Variants in KCND3 observed in about 807,000 individuals in gnomAD.
KCND3 encodes the protein potassium voltage-gated channel subfamily D member 3.
KCND3 carries 9 observed loss-of-function variants against 51.1 expected under a neutral mutation model. That is an observed-to-expected ratio of 0.18 (90% CI 0.11 to 0.31). KCND3 has a LOEUF of 0.31. Ranked by LOEUF, KCND3 falls within the 10% of genes least tolerant of loss-of-function variation. The pLI is 1.00. For synonymous variants in KCND3, 349 were observed against 368.0 expected (o/e 0.95, Z 0.59); for missense variants, 526 against 903.8 (o/e 0.58, Z 5.36).
Position 111,981,877 on chromosome 1 carries a change from C to T in KCND3, c.850G>A (p.Gly284Ser). Reference protein sequence around the residue: ...LVMTNNEDVSGAFVTLRVFRV... With the variant: ...LVMTNNEDVSSAFVTLRVFRV... ...AAGACCCGGAGCGTGACGAAGGCGC[C>T]GGACACGTCCTCGTTGTTGGTCATG... is the stretch of plus-strand genomic sequence containing the variant. The change falls in exon 2 of 8, where the codon GGC becomes AGC. Residue 284 changes from glycine (G) to serine (S), a missense_variant. Gly to Ser is a moderately conservative substitution (Grantham distance 56). Coordinates refer to ENST00000302127, the MANE Select transcript of KCND3 (RefSeq NM_001378969.1). This position sits in a 1 kb window ranked among gnomAD's most constrained non-coding sequence, Gnocchi z 6.2. The T allele has an allele frequency of 6.2e-7, 1 of 1,614,010 alleles. No individual in the cohort carries two copies. Among genetic ancestry groups the T allele is most frequent in the Non-Finnish European group, 8.5e-7 (1 of 1,179,980 alleles).
chr1:111,910,904 A>C (rs1428400195), intron 2 of KCND3: 2 of 152,228 alleles, frequency 1.3e-5, no homozygotes, highest in Admixed American at 6.5e-5. Flanking sequence ...CCATTAAATA[A>C]ATATGCAAAA....
At chr1:111,825,192 G>A (rs954077488) in intron 2 of KCND3, among the ~76,000 whole-genome samples, 3 of 152,106 alleles carry the variant, frequency 2.0e-5, no homozygotes, top group Admixed American at 1.3e-4. Context: ...AGTGATCCAG[G>A]GTCCACACTT....
intron 2 of KCND3, among the ~76,000 whole-genome samples, chr1:111,958,275 G>A (rs1303552918): frequency 2.0e-5 from 3 of 152,136 alleles, no homozygotes; most frequent in East Asian, 1.9e-4. Flanking sequence ...TCTCGTCCCC[G>A]CTGGGGTTCC....
chr1:111,791,288 T>A (rs1664812780), intron 2 of KCND3, among the ~76,000 whole-genome samples: 1 of 152,238 alleles, frequency 6.6e-6, no homozygotes, highest in Admixed American at 6.5e-5. Context: ...GCTGATGATG[T>A]TGAACATCTT....
chr1:111,969,660 T>C (rs1205674710), intron 2 of KCND3, among the ~76,000 whole-genome samples: 2 of 152,150 alleles, frequency 1.3e-5, no homozygotes, highest in Admixed American at 6.5e-5. Context: ...ATTGCTGTCA[T>C]TGTTGTTGTT....
chr1:111,969,431 G>C (rs1674202919), intron 2 of KCND3, among the ~76,000 whole-genome samples: 1 of 152,152 alleles, frequency 6.6e-6, no homozygotes, highest in South Asian at 2.1e-4. Flanking sequence ...GCCTCCAGTG[G>C]CAATCCCAGT....
At chr1:111,903,200 G>C (rs756858968) in intron 2 of KCND3, among the ~76,000 whole-genome samples, 1 of 152,218 alleles carries the variant, frequency 6.6e-6, no homozygotes. Flanking sequence ...AGACCAGAGG[G>C]AGCAGAAGGA....
rs115832350 is a variant in KCND3, at chr1:111,943,739, G to C, written c.1106+37882C>G. 4.4e-3 allele frequency among the ~76,000 whole-genome samples: 665 copies of C among 152,304 alleles called. 5 individuals carry two copies. Among genetic ancestry groups the C allele is most frequent in the African/African-American group, 0.015 (613 of 41,552 alleles). ...TTCACTGCACTCAGATGATGCATCT[G>C]CCTTTACAAGGTGCTTTCTCACAGT... On this transcript the variant is annotated intron_variant, in intron 2 of 7. Transcript: ENST00000302127.
intron 2 of KCND3, among the ~76,000 whole-genome samples, chr1:111,931,352 C>T (rs1250772035): frequency 1.3e-5 from 2 of 152,094 alleles, no homozygotes; most frequent in Admixed American, 1.3e-4. Context: ...CCTTCATACA[C>T]CCAAAATAAA....
chr1:111,972,408 G>A (rs1161926258), intron 2 of KCND3, among the ~76,000 whole-genome samples: 3 of 151,972 alleles, frequency 2.0e-5, no homozygotes, highest in African/African-American at 7.2e-5. Context: ...TCCTGACCTC[G>A]TGATCCGCCC....
intron 2 of KCND3, among the ~76,000 whole-genome samples, chr1:111,811,632 G>A (rs1321504854): frequency 1.3e-5 from 2 of 152,050 alleles, no homozygotes; most frequent in African/African-American, 2.4e-5. Flanking sequence ...TGCGCTCTTC[G>A]GATCGTCCAC....
intron 2 of KCND3, among the ~76,000 whole-genome samples, chr1:111,794,506 AC>A: frequency 6.6e-6 from 1 of 152,278 alleles, no homozygotes. Context: ...TCACTGCCAC[AC>A]CCACTGCTGC....
Position 111,982,798 on chromosome 1 carries a change from C to A in KCND3, c.-72G>T. 3 of 1,542,636 alleles carry A rather than the reference C, an allele frequency of 1.9e-6. No homozygotes were observed. The highest frequency in any genetic ancestry group is 2.6e-6 in the Non-Finnish European group (3 of 1,150,108). ...CCAGCTTGGAGTTAGTTCAGCAAAC[C>A]CTGGGAGACAGGAGGGGAGAGAGAG... On this transcript the variant is annotated splice_region_variant and 5_prime_UTR_variant, in exon 2 of 8. Coordinates refer to ENST00000302127, the MANE Select transcript of KCND3 (RefSeq NM_001378969.1). This position sits in a 1 kb window ranked among gnomAD's most constrained non-coding sequence, Gnocchi z 8.5.
chr1:111,968,511 A>T (rs1173206986), intron 2 of KCND3, among the ~76,000 whole-genome samples: 1 of 152,228 alleles, frequency 6.6e-6, no homozygotes, highest in African/African-American at 2.4e-5. Flanking sequence ...ATGAAGAAAG[A>T]TCCATACCTG....
chr1:111,805,243 A>C (rs1665511700), intron 2 of KCND3, among the ~76,000 whole-genome samples: 1 of 152,246 alleles, frequency 6.6e-6, no homozygotes, highest in African/African-American at 2.4e-5. Context: ...AAAGGTAAGA[A>C]AATCCTCAAG....
chr1:111,813,133 G>C (rs1232107594), intron 2 of KCND3, among the ~76,000 whole-genome samples: 1 of 152,128 alleles, frequency 6.6e-6, no homozygotes, highest in African/African-American at 2.4e-5. Context: ...GGACACAAGT[G>C]CCCTCCATGT....
intron 2 of KCND3, among the ~76,000 whole-genome samples, chr1:111,888,443 T>C (rs1301011910): frequency 6.6e-6 from 1 of 152,040 alleles, no homozygotes; most frequent in Admixed American, 6.5e-5. Context: ...CCCAGCACTT[T>C]GGGAGGCCAA....
At chr1:111,920,790 T>C (rs576188811) in intron 2 of KCND3, among the ~76,000 whole-genome samples, 2 of 152,326 alleles carry the variant, frequency 1.3e-5, no homozygotes, top group East Asian at 3.9e-4. Flanking sequence ...ACCTCTTCCT[T>C]TGTGTAACCA....
intron 2 of KCND3, among the ~76,000 whole-genome samples, chr1:111,956,373 A>G (rs1673342369): frequency 6.6e-6 from 1 of 152,200 alleles, no homozygotes; most frequent in South Asian, 2.1e-4. Context: ...GCAAGAGCCC[A>G]TGGCAGCAGC....
Sources: allele counts gnomAD v4.1 joint callset (sites outside exome capture counted in the v4.1 genomes callset), GRCh38; gene constraint gnomAD v4.1.1; non-coding constraint Gnocchi (gnomAD v3.1); transcripts MANE v1.5; gene names NCBI Gene and HGNC (gene_info 2026-07-23, HGNC 2026-07-21).